IGF1R: variants seen among roughly 807,000 people sequenced by gnomAD.
The protein encoded by IGF1R is insulin-like growth factor 1 receptor.
Under a neutral mutation model 144.6 loss-of-function variants are expected in IGF1R, and 44 were observed. The observed-to-expected ratio is 0.30, with a 90% confidence interval of 0.24 to 0.39. IGF1R has a LOEUF of 0.39. Ranked by LOEUF, IGF1R falls within the 10% of genes least tolerant of loss-of-function variation. The probability of loss-of-function intolerance (pLI) is 1.00; values close to 1 mark genes in which losing one functional copy is unlikely to be tolerated. For synonymous variants in IGF1R, 795 were observed against 722.8 expected, an observed-to-expected ratio of 1.10 and a Z score of -1.60; for missense variants, 1,355 against 1,833.7, an observed-to-expected ratio of 0.74 and a Z score of 4.77.
At chr15:98,853,447 G>A (rs1259042842) in intron 2 of IGF1R, among the ~76,000 whole-genome samples, 3 of 152,164 alleles carry the variant, frequency 2.0e-5, no homozygotes, top group African/African-American at 4.8e-5. Context: ...AGCAGGAAGC[G>A]CAGGCAAAAT....
intron 18 of IGF1R, 64 bp from the exon 19 acceptor site, chr15:98,942,859 C>G: frequency 6.2e-7 from 1 of 1,607,148 alleles, no homozygotes; most frequent in African/African-American, 1.3e-5. Context: ...GTGTAGGGTC[C>G]TCTGCTGTGA....
chr15:98,851,633 A>G (rs12442623), intron 2 of IGF1R, among the ~76,000 whole-genome samples: 58,140 of 152,096 alleles, frequency 0.38, 13,499 homozygotes, highest in Middle Eastern at 0.69. Flanking sequence ...TTGGGGAAGC[A>G]GCACTTCCCG....
rs2013946871 is a variant in IGF1R at position 98,891,979 on chromosome 15, G to A, written c.953+342G>A. ...CTAAGAGACAGGGAACTGTAGTTTTGGATTTTCCTAGTCTGGGTGCTGCTA... is the reference window on the plus strand; with the variant it reads ...CTAAGAGACAGGGAACTGTAGTTTTAGATTTTCCTAGTCTGGGTGCTGCTA... On this transcript the variant is annotated intron_variant, in intron 3 of 20. Coordinates refer to ENST00000650285, the MANE Select transcript of IGF1R (RefSeq NM_000875.5). This position sits in a 1 kb window ranked among gnomAD's most constrained non-coding sequence, Gnocchi z 4.7. Among the ~76,000 whole-genome samples, 1 of 152,188 alleles carries A rather than the reference G, an allele frequency of 6.6e-6. No individual in the cohort carries two copies. Among genetic ancestry groups the A allele is most frequent in the Non-Finnish European group, 1.5e-5 (1 of 68,024 alleles).
chr15:98,962,931 T>C lies in IGF1R; in HGVS notation c.*5489T>C, dbSNP rs896597585. The stretch of plus-strand genomic sequence containing the variant: ...TTAGCGTTTTGTTTCTGCGAGAACA[T>C]AACGATCACTCATTTTTATGTCCCA... On this transcript the variant is annotated 3_prime_UTR_variant, in exon 21 of 21. Coordinates refer to ENST00000650285, the MANE Select transcript of IGF1R (RefSeq NM_000875.5). 24 of 233,588 alleles carry C rather than the reference T, an allele frequency of 1.0e-4. No homozygotes were observed. Among genetic ancestry groups the C allele is most frequent in the Non-Finnish European group, 1.2e-4 (14 of 118,060 alleles). The allele number at this position is 233,588 out of a possible 1,614,324, so 14.5% of individuals were successfully genotyped here.
intron 2 of IGF1R, among the ~76,000 whole-genome samples, chr15:98,802,775 A>G (rs1299961274): frequency 1.3e-5 from 2 of 152,190 alleles, no homozygotes; most frequent in Admixed American, 1.3e-4. Flanking sequence ...TTTCTCATAT[A>G]TTAGCGGTCT....
chr15:98,740,544 G>A (rs553570582), intron 2 of IGF1R, among the ~76,000 whole-genome samples: 6 of 152,326 alleles, frequency 3.9e-5, no homozygotes, highest in South Asian at 2.1e-4. Context: ...GGTTAGTTAC[G>A]TGTGATACAA....
intron 2 of IGF1R, among the ~76,000 whole-genome samples, chr15:98,887,916 G>A (rs941832182): frequency 2.0e-5 from 3 of 152,158 alleles, no homozygotes; most frequent in African/African-American, 7.2e-5. Context: ...AACTTTCCAT[G>A]GTTTCGTATT....
intron 2 of IGF1R, among the ~76,000 whole-genome samples, chr15:98,763,451 G>C (rs895082437): frequency 8.6e-5 from 13 of 151,288 alleles, no homozygotes; most frequent in Non-Finnish European, 1.8e-4. Context: ...ACGTGGCTGG[G>C]ACTCCTGATT....
At position 98,935,249 on chromosome 15, in the gene IGF1R, C is replaced by T; in HGVS notation, c.3187-67C>T. 2 of 1,123,466 alleles carry T rather than the reference C, an allele frequency of 1.8e-6. No homozygotes were observed. The highest frequency in any genetic ancestry group is 1.3e-6 in the Non-Finnish European group (1 of 767,226). The allele number at this position is 1,123,466 out of a possible 1,614,324, so 69.6% of individuals were successfully genotyped here. A position where few individuals can be genotyped will look rare whatever the true frequency, so the allele number is the denominator to read the frequency against. On this transcript the variant is annotated intron_variant, in intron 16 of 20. Transcript: ENST00000650285. This position sits in a 1 kb window ranked among gnomAD's most constrained non-coding sequence, Gnocchi z 4.2. ...GGCCGCAGCACCACAGAGACAGTTC[C>T]AGACAACACAGGCATCAGCAAGGGC...
chr15:98,854,388 A>G (rs2011676301), intron 2 of IGF1R, among the ~76,000 whole-genome samples: 1 of 152,210 alleles, frequency 6.6e-6, no homozygotes, highest in Non-Finnish European at 1.5e-5. Context: ...TGTAGGACTC[A>G]GTGAAGTGCC....
intron 3 of IGF1R, 54 bp from the exon 4 acceptor site, chr15:98,896,703 A>C: frequency 6.4e-7 from 1 of 1,569,618 alleles, no homozygotes; most frequent in Non-Finnish European, 8.7e-7. Context: ...TTTTTAATGC[A>C]AGAAGACAGA....
chr15:98,793,789 G>A (rs1204268328), intron 2 of IGF1R, among the ~76,000 whole-genome samples: 1 of 152,088 alleles, frequency 6.6e-6, no homozygotes. Context: ...ACTTTATTAA[G>A]ACCCTTTTAT....
intron 2 of IGF1R, among the ~76,000 whole-genome samples, chr15:98,864,270 C>T (rs2012311877): frequency 1.3e-5 from 2 of 152,174 alleles, no homozygotes; most frequent in African/African-American, 4.8e-5. Context: ...AATAGGCAAA[C>T]ATTACCAACA....
chr15:98,725,859 G>GA (rs765082509), intron 2 of IGF1R, among the ~76,000 whole-genome samples: 31 of 152,238 alleles, frequency 2.0e-4, no homozygotes, highest in Admixed American at 7.2e-4. Flanking sequence ...AGCAAAAGTG[G>GA]AAACCCTGAT....
chr15:98,725,670 T>C (rs2054340900), intron 2 of IGF1R, among the ~76,000 whole-genome samples: 1 of 152,234 alleles, frequency 6.6e-6, no homozygotes, highest in African/African-American at 2.4e-5. Flanking sequence ...TGGATTCCTG[T>C]GGTGATTACC....
At chr15:98,896,961 A>G in intron 4 of IGF1R, 56 bp downstream of exon 4, 1 of 1,543,906 alleles carries the variant, frequency 6.5e-7, no homozygotes, top group African/African-American at 1.4e-5. Flanking sequence ...TCTTTTGTTG[A>G]TGCTTTTCAT....
At chr15:98,902,645 A>T (rs1460144039) in intron 5 of IGF1R, among the ~76,000 whole-genome samples, 1 of 148,966 alleles carries the variant, frequency 6.7e-6, no homozygotes, top group Non-Finnish European at 1.5e-5. Flanking sequence ...CAAACTCCTG[A>T]CCTTGTGATC....
At chr15:98,668,448 G>A (rs1019395551) in intron 1 of IGF1R, among the ~76,000 whole-genome samples, 1 of 152,232 alleles carries the variant, frequency 6.6e-6, no homozygotes, top group African/African-American at 2.4e-5. Flanking sequence ...TCCAGTACTT[G>A]AAAGTACATG....
chr15:98,868,372 G>T (rs78137059), intron 2 of IGF1R, among the ~76,000 whole-genome samples: 17,703 of 87,050 alleles, frequency 0.2, 1,402 homozygotes, highest in East Asian at 0.56. Flanking sequence ...TTTTTTTTTG[G>T]GGGGGGGGTC....
Sources: allele counts gnomAD v4.1 joint callset (sites outside exome capture counted in the v4.1 genomes callset), GRCh38; gene constraint gnomAD v4.1.1; non-coding constraint Gnocchi (gnomAD v3.1); transcripts MANE v1.5; gene names NCBI Gene and HGNC (gene_info 2026-07-23, HGNC 2026-07-21).